The following DENND1A variants were observed in gnomAD, a reference collection of about 807,000 sequenced individuals.
DENND1A encodes DENN domain-containing protein 1A.
Under a neutral mutation model 113.7 loss-of-function variants are expected in DENND1A, and 51 were observed. The ratio of observed to expected loss-of-function variants is 0.45; its 90% CI spans 0.36 to 0.57. DENND1A has a LOEUF of 0.57. DENND1A is among the 20% of genes least tolerant of loss of function. The pLI is 0.00. For missense variants in DENND1A, 1,258 were observed against 1,395.9 expected (o/e 0.90, Z 1.57); for synonymous variants, 565 against 570.8 (o/e 0.99, Z 0.14).
At chr9:123,519,319 C>G (rs2054197471) in intron 13 of DENND1A, among the ~76,000 whole-genome samples, 1 of 152,236 alleles carries the variant, frequency 6.6e-6, no homozygotes, top group South Asian at 2.1e-4. Flanking sequence ...CCACCCAGCC[C>G]TCATTCCCTC....
chr9:123,529,779 A>G (rs927498223), intron 13 of DENND1A, among the ~76,000 whole-genome samples: 2 of 152,224 alleles, frequency 1.3e-5, no homozygotes, highest in African/African-American at 2.4e-5. Flanking sequence ...AGAATAATGC[A>G]GTGATGTGAA....
At chr9:123,525,513 G>A (rs192064909) in intron 13 of DENND1A, among the ~76,000 whole-genome samples, 1 of 152,110 alleles carries the variant, frequency 6.6e-6, no homozygotes, top group Non-Finnish European at 1.5e-5. Flanking sequence ...AAGCCAGAAG[G>A]ACAGAGAGAA....
intron 1 of DENND1A, among the ~76,000 whole-genome samples, chr9:123,915,298 C>T (rs891204741): frequency 4.6e-5 from 7 of 151,972 alleles, no homozygotes; most frequent in African/African-American, 1.7e-4. Context: ...GCACCCTACC[C>T]GATCTAGTGG....
intron 2 of DENND1A, among the ~76,000 whole-genome samples, chr9:123,820,552 C>T (rs957169501): frequency 1.3e-5 from 2 of 152,154 alleles, no homozygotes; most frequent in Non-Finnish European, 2.9e-5. Flanking sequence ...CTGACCCCAG[C>T]TTACATCTCA....
chr9:123,789,080 TA>T (rs35772080), intron 3 of DENND1A, among the ~76,000 whole-genome samples: 1 of 151,122 alleles, frequency 6.6e-6, no homozygotes, highest in African/African-American at 2.4e-5. Flanking sequence ...TTTTTTCTTT[TA>T]AAAAAAATAT....
intron 11 of DENND1A, among the ~76,000 whole-genome samples, chr9:123,607,468 G>A: frequency 7.1e-6 from 1 of 140,310 alleles, no homozygotes; most frequent in African/African-American, 2.7e-5. Context: ...TAGAGAGAGA[G>A]AGAGAGACAC....
At chr9:123,413,599 G>T in intron 19 of DENND1A, 1 of 985,554 alleles carries the variant, frequency 1.0e-6, no homozygotes. Flanking sequence ...CGGGTCCAGG[G>T]ACTTGGTGGA....
chr9:123,653,797 T>A (rs1024484736), intron 8 of DENND1A, among the ~76,000 whole-genome samples: 1 of 151,538 alleles, frequency 6.6e-6, no homozygotes, highest in Non-Finnish European at 1.5e-5. Context: ...ATTCACGGAG[T>A]GATCTGTATG....
chr9:123,590,116 G>A (rs1287949296), intron 11 of DENND1A, among the ~76,000 whole-genome samples: 1 of 152,286 alleles, frequency 6.6e-6, no homozygotes, highest in Non-Finnish European at 1.5e-5. Context: ...CCCTCTCCTT[G>A]GATGGTTCCT....
At chr9:123,794,871 A>G (rs1315066051) in intron 2 of DENND1A, among the ~76,000 whole-genome samples, 1 of 152,228 alleles carries the variant, frequency 6.6e-6, no homozygotes, top group Non-Finnish European at 1.5e-5. Context: ...GAAGATAAAG[A>G]TGACCATGGA....
chr9:123,671,507 A>C, intron 6 of DENND1A, 136 bp from the exon 7 acceptor site: 1 of 796,250 alleles, frequency 1.3e-6, no homozygotes, highest in Non-Finnish European at 2.0e-6. Flanking sequence ...TTTGATATTC[A>C]TGTAGGGTTT....
chr9:123,510,162 C>T (rs2053330688), intron 13 of DENND1A, among the ~76,000 whole-genome samples: 1 of 152,382 alleles, frequency 6.6e-6, no homozygotes, highest in African/African-American at 2.4e-5. Context: ...ACAGTCGCTA[C>T]ACAACCTCCT....
In DENND1A at chr9:123,422,368, C is replaced by A. The variant is rs1477266362; in HGVS notation, c.1489-10539G>T. On this transcript the variant is annotated intron_variant, in intron 19 of 23. Coordinates refer to ENST00000394215, the MANE Select transcript of DENND1A (RefSeq NM_001352964.2). The surrounding 1 kb of genome is among the most constrained non-coding windows in gnomAD (Gnocchi z 4.8). The stretch of plus-strand genomic sequence containing the variant: ...AGGTTTCCTAGCCTAACAGGTTGAG[C>A]CCCAGGGCCATCCCCCAAAGCAATA... 2.6e-5 allele frequency among the ~76,000 whole-genome samples: 4 copies of A among 152,204 alleles called. No individual in the cohort carries two copies. The highest frequency in any genetic ancestry group is 5.9e-5 in the Non-Finnish European group (4 of 68,032).
chr9:123,478,822 T>C (rs1332455940), intron 13 of DENND1A, among the ~76,000 whole-genome samples: 1 of 152,226 alleles, frequency 6.6e-6, no homozygotes. Context: ...CAAGGGGACA[T>C]GAAGAGCCAG....
intron 18 of DENND1A, among the ~76,000 whole-genome samples, chr9:123,449,444 A>T (rs888438887): frequency 2.0e-5 from 3 of 151,880 alleles, no homozygotes; most frequent in Non-Finnish European, 4.4e-5. Flanking sequence ...CTGAGGCAGG[A>T]GAATCACTTG....
At chr9:123,736,041 A>C (rs989485465) in intron 5 of DENND1A, among the ~76,000 whole-genome samples, 8 of 152,152 alleles carry the variant, frequency 5.3e-5, no homozygotes, top group African/African-American at 1.9e-4. Flanking sequence ...GAAGCTAGCT[A>C]GTTAGACTGC....
chr9:123,778,707 C>T (rs767470654), intron 3 of DENND1A, among the ~76,000 whole-genome samples: 3 of 152,048 alleles, frequency 2.0e-5, no homozygotes, highest in African/African-American at 4.8e-5. Flanking sequence ...ATACAAAATC[C>T]AGCCCCGGGC....
chr9:123,822,899 C>T (rs902085826), intron 2 of DENND1A, among the ~76,000 whole-genome samples: 6 of 152,116 alleles, frequency 3.9e-5, no homozygotes, highest in Admixed American at 6.5e-5. Flanking sequence ...TTAACGCTTA[C>T]GATACAGGGG....
At chr9:123,833,915 G>T (rs545556766) in intron 2 of DENND1A, among the ~76,000 whole-genome samples, 1 of 152,218 alleles carries the variant, frequency 6.6e-6, no homozygotes, top group Non-Finnish European at 1.5e-5. Flanking sequence ...AATTAGCTGG[G>T]CATGGTGGCA....
Sources: gnomAD v4.1 joint callset for allele counts (sites outside exome capture counted in the v4.1 genomes callset) on GRCh38, gnomAD v4.1.1 for gene constraint, Gnocchi (gnomAD v3.1) non-coding constraint, MANE v1.5 for transcripts, NCBI Gene and HGNC (gene_info 2026-07-23, HGNC 2026-07-21) for gene names.